LRRTM4: variants seen among roughly 807,000 people sequenced by gnomAD.
LRRTM4 encodes leucine rich repeat transmembrane neuronal 4, also known as leucine-rich repeat transmembrane neuronal protein 4.
Under a neutral mutation model 47.6 loss-of-function variants are expected in LRRTM4, and 25 were observed. The observed-to-expected ratio is 0.53, with a 90% CI of 0.38 to 0.73. The LOEUF (loss-of-function observed/expected upper bound fraction) is 0.73. Ranked by LOEUF, LRRTM4 falls within the 30% of genes least tolerant of loss-of-function variation. The pLI, the probability that LRRTM4 is intolerant of heterozygous loss-of-function variation, is 0.00. For missense variants in LRRTM4, 638 were observed against 713.4 expected (o/e 0.89, Z 1.20); for synonymous variants, 311 against 269.5 (o/e 1.15, Z -1.51).
chr2:77,081,909 G>A (rs1037074319), intron 3 of LRRTM4, among the ~76,000 whole-genome samples: 11 of 152,070 alleles, frequency 7.2e-5, no homozygotes, highest in Admixed American at 1.3e-4. Flanking sequence ...ACATTTCATC[G>A]GCTTTTTGGG....
intron 3 of LRRTM4, among the ~76,000 whole-genome samples, chr2:77,011,114 CAAGTAT>C (rs1210568506): frequency 6.6e-6 from 1 of 151,916 alleles, no homozygotes; most frequent in Non-Finnish European, 1.5e-5. Context: ...ATATGAGGCA[CAAGTAT>C]AATTTAAATT....
intron 3 of LRRTM4, among the ~76,000 whole-genome samples, chr2:77,176,295 C>T (rs1266144947): frequency 2.0e-5 from 3 of 152,100 alleles, no homozygotes; most frequent in African/African-American, 7.2e-5. Context: ...ACTTTAGATG[C>T]CATTTCTGAC....
chr2:77,364,823 G>A (rs1477451681), intron 3 of LRRTM4, among the ~76,000 whole-genome samples: 2 of 152,014 alleles, frequency 1.3e-5, no homozygotes, highest in Non-Finnish European at 2.9e-5. Context: ...TATTATCATT[G>A]TTATAGTAAT....
chr2:77,271,073 C>T (rs1013609422), intron 3 of LRRTM4, among the ~76,000 whole-genome samples: 4 of 152,122 alleles, frequency 2.6e-5, no homozygotes, highest in Non-Finnish European at 4.4e-5. Context: ...AGACAATCTG[C>T]CCTTGTCATA....
intron 3 of LRRTM4, among the ~76,000 whole-genome samples, chr2:77,217,986 T>A (rs919300524): frequency 1.3e-5 from 2 of 152,132 alleles, no homozygotes; most frequent in Non-Finnish European, 2.9e-5. Context: ...CTTTATTTTT[T>A]TTTATTTTAT....
intron 3 of LRRTM4, among the ~76,000 whole-genome samples, chr2:76,755,120 C>A (rs1285951614): frequency 6.6e-6 from 1 of 152,250 alleles, no homozygotes; most frequent in African/African-American, 2.4e-5. Flanking sequence ...CCTGGTACCA[C>A]TTTCATTAAT....
chr2:77,103,667 A>ATATATATATATATATATC (rs145819033), intron 3 of LRRTM4, among the ~76,000 whole-genome samples: 1,534 of 146,022 alleles, frequency 0.011, 28 homozygotes, highest in East Asian at 0.052. Context: ...ATATATAGAT[A>ATATATATATATATATATC]TATATATCAC....
chr2:77,201,875 A>G (rs1558631251), intron 3 of LRRTM4, among the ~76,000 whole-genome samples: 1 of 152,118 alleles, frequency 6.6e-6, no homozygotes, highest in African/African-American at 2.4e-5. Context: ...GCTTCTTTTC[A>G]CAGACACTAC....
At chr2:77,129,837 T>C (rs1223991516) in intron 3 of LRRTM4, among the ~76,000 whole-genome samples, 1 of 152,162 alleles carries the variant, frequency 6.6e-6, no homozygotes, top group African/African-American at 2.4e-5. Flanking sequence ...CTCTATCACA[T>C]AAGGTATAAC....
chr2:76,807,716 C>G (rs531211448), intron 3 of LRRTM4, among the ~76,000 whole-genome samples: 1 of 150,752 alleles, frequency 6.6e-6, no homozygotes, highest in African/African-American at 2.4e-5. Flanking sequence ...CTCAGCCTCC[C>G]GAGTAGTTGG....
At chr2:77,104,134 A>G (rs1397510342) in intron 3 of LRRTM4, among the ~76,000 whole-genome samples, 2 of 152,156 alleles carry the variant, frequency 1.3e-5, no homozygotes, top group South Asian at 2.1e-4. Flanking sequence ...TCAAGGCCAA[A>G]ATCTACAAGT....
chr2:77,370,176 G>C (rs1672608721), intron 3 of LRRTM4, among the ~76,000 whole-genome samples: 2 of 151,650 alleles, frequency 1.3e-5, no homozygotes, highest in African/African-American at 4.8e-5. Flanking sequence ...CTGGAGTTGA[G>C]AAACTCACAG....
At chr2:77,241,048 AGAAGAT>A (rs1028722299) in intron 3 of LRRTM4, among the ~76,000 whole-genome samples, 2 of 152,036 alleles carry the variant, frequency 1.3e-5, no homozygotes, top group African/African-American at 4.8e-5. Context: ...AATAAAATTG[AGAAGAT>A]GATTCTAAAT....
chr2:77,279,017 C>G lies in LRRTM4; in HGVS notation c.1551+239301G>C, dbSNP rs79089644. ...AAAGAAAGTGGAGCATGATGCATGC[C>G]TTTGGAGATTGTTGCTAGCTACAAG... On this transcript the variant is annotated intron_variant, in intron 3 of 3. Coordinates refer to ENST00000409884, the MANE Select transcript of LRRTM4 (RefSeq NM_001134745.3). Among the ~76,000 whole-genome samples the G allele has an allele frequency of 4.5e-3, 682 of 152,024 alleles. 10 individuals carry two copies. The highest frequency in any genetic ancestry group is 0.044 in the South Asian group (213 of 4,820).
chr2:77,074,613 T>C (rs1680272235), intron 3 of LRRTM4, among the ~76,000 whole-genome samples: 1 of 152,130 alleles, frequency 6.6e-6, no homozygotes, highest in African/African-American at 2.4e-5. Flanking sequence ...TGGCTGGATA[T>C]ATTTTTTATC....
intron 3 of LRRTM4, among the ~76,000 whole-genome samples, chr2:77,084,164 G>T (rs753346960): frequency 6.6e-6 from 1 of 152,056 alleles, no homozygotes; most frequent in Non-Finnish European, 1.5e-5. Flanking sequence ...GATAATATAT[G>T]AACAGAAAGA....
chr2:77,335,700 G>A (rs1203342897), intron 3 of LRRTM4, among the ~76,000 whole-genome samples: 1 of 152,122 alleles, frequency 6.6e-6, no homozygotes, highest in Non-Finnish European at 1.5e-5. Flanking sequence ...CATGGGGGCA[G>A]GGTGTTATAT....
At chr2:77,044,285 ATACAC>A in intron 3 of LRRTM4, among the ~76,000 whole-genome samples, 1 of 151,890 alleles carries the variant, frequency 6.6e-6, no homozygotes, top group African/African-American at 2.4e-5. Flanking sequence ...AAAATTAAAC[ATACAC>A]TACTTAAAAT....
intron 3 of LRRTM4, among the ~76,000 whole-genome samples, chr2:77,010,114 C>T (rs529414109): frequency 1.4e-3 from 219 of 151,944 alleles, no homozygotes; most frequent in Non-Finnish European, 2.6e-3. Flanking sequence ...TGTGCATTAT[C>T]TCATAGAAGT....
Sources: allele counts gnomAD v4.1 joint callset (sites outside exome capture counted in the v4.1 genomes callset), GRCh38; gene constraint gnomAD v4.1.1; transcripts MANE v1.5; gene names NCBI Gene and HGNC (gene_info 2026-07-23, HGNC 2026-07-21).